Variants in KDM4B observed in about 807,000 individuals in gnomAD.
The protein encoded by KDM4B is lysine-specific demethylase 4B.
A neutral mutation model predicts 125.2 loss-of-function variants in KDM4B; 32 were observed. That is an observed-to-expected ratio of 0.26 (90% CI 0.19 to 0.34). KDM4B has a LOEUF of 0.34. Ranked by LOEUF, KDM4B falls within the 10% of genes least tolerant of loss-of-function variation. KDM4B has a pLI of 1.00. For synonymous variants in KDM4B, 721 were observed against 677.9 expected (o/e 1.06, Z -0.99); for missense variants, 1,190 against 1,577.7 (o/e 0.75, Z 4.16).
chr19:5,013,942 T>C (rs1035935429), intron 1 of KDM4B, among the ~76,000 whole-genome samples: 2 of 152,216 alleles, frequency 1.3e-5, no homozygotes, highest in Non-Finnish European at 2.9e-5. Flanking sequence ...TGCAGGGCAC[T>C]TGGCCGCTCA....
At chr19:5,087,268 G>C (rs979340521) in intron 9 of KDM4B, among the ~76,000 whole-genome samples, 3 of 152,278 alleles carry the variant, frequency 2.0e-5, no homozygotes, top group African/African-American at 7.2e-5. Context: ...CTTGCCACCT[G>C]TCTGTGCAGC....
At chr19:4,989,134 G>A (rs1336021859) in intron 1 of KDM4B, among the ~76,000 whole-genome samples, 4 of 152,200 alleles carry the variant, frequency 2.6e-5, no homozygotes, top group African/African-American at 9.7e-5. Flanking sequence ...GTGCTGAAGT[G>A]GTAGAGGTGA....
At chr19:5,027,544 GTTT>G (rs565728081) in intron 2 of KDM4B, among the ~76,000 whole-genome samples, 4 of 134,634 alleles carry the variant, frequency 3.0e-5, no homozygotes, top group Admixed American at 7.6e-5. Context: ...TCTCTTTTCA[GTTT>G]TTTTTTTTTT....
intron 10 of KDM4B, among the ~76,000 whole-genome samples, chr19:5,117,626 A>G (rs947209580): frequency 5.9e-5 from 9 of 152,076 alleles, no homozygotes; most frequent in African/African-American, 2.2e-4. Context: ...CCCCTAGTGG[A>G]GCCTGAGGCT....
At chr19:5,098,108 G>A (rs1162540953) in intron 9 of KDM4B, among the ~76,000 whole-genome samples, 1 of 152,218 alleles carries the variant, frequency 6.6e-6, no homozygotes. Flanking sequence ...AGCTGGGCCA[G>A]GGCTGGTGGC....
rs2039945074 is a variant in KDM4B, at chr19:5,151,399, G to A, written c.3179G>A (p.Arg1060His). The change falls in exon 23 of 23, where the codon CGC (arginine) becomes CAC (histidine). Residue 1060 changes from arginine to histidine, a missense_variant. Physicochemically the swap from Arg to His is conservative, Grantham distance 29. Around this residue, in one of 7 missense-constraint regions of KDM4B, gnomAD observed 109 missense variants for 93.8 expected, o/e 1.16. Coordinates refer to ENST00000159111, the MANE Select transcript of KDM4B (RefSeq NM_015015.3). ...FSGEEAKAAK[R>H]PRVGTPLATE... The stretch of plus-strand genomic sequence containing the variant: ...GGGGAGGAGGCCAAGGCCGCCAAGC[G>A]CCCGCGTGTGGGCACCCCGCTTGCC... The A allele has an allele frequency of 1.3e-6, 2 of 1,583,288 alleles. No homozygotes were observed. The highest frequency in any genetic ancestry group is 8.6e-7 in the Non-Finnish European group (1 of 1,167,118).
chr19:5,024,474 C>T (rs573550063), intron 2 of KDM4B, among the ~76,000 whole-genome samples: 29 of 152,190 alleles, frequency 1.9e-4, no homozygotes, highest in East Asian at 5.8e-4. Flanking sequence ...TCAGCCGGGC[C>T]GGAAGCGTCC....
At chr19:5,045,098 C>T (rs878947472) in intron 5 of KDM4B, among the ~76,000 whole-genome samples, 2 of 152,146 alleles carry the variant, frequency 1.3e-5, no homozygotes, top group African/African-American at 2.4e-5. Flanking sequence ...GGTGAGAGGA[C>T]GTTTAGTTTT....
chr19:5,002,144 T>A (rs1289978616), intron 1 of KDM4B, among the ~76,000 whole-genome samples: 1 of 152,106 alleles, frequency 6.6e-6, no homozygotes, highest in Non-Finnish European at 1.5e-5. Flanking sequence ...ATTACAGGCG[T>A]GTGCCACCAT....
intron 10 of KDM4B, chr19:5,111,690 C>T (rs568230516): frequency 2.7e-5 from 20 of 740,664 alleles, no homozygotes; most frequent in Middle Eastern, 2.3e-4. Flanking sequence ...GAGCTGGAGC[C>T]GGGAGGGACG....
intron 9 of KDM4B, among the ~76,000 whole-genome samples, chr19:5,103,478 C>A (rs549283071): frequency 8.5e-5 from 13 of 152,296 alleles, no homozygotes; most frequent in African/African-American, 2.2e-4. Context: ...ATCGGGCTGT[C>A]GGACGCGTCA....
At chr19:4,976,558 A>G (rs929770566) in intron 1 of KDM4B, among the ~76,000 whole-genome samples, 3 of 152,242 alleles carry the variant, frequency 2.0e-5, no homozygotes, top group Admixed American at 2.0e-4. Flanking sequence ...GGAAGACAGC[A>G]TTGCACAATT....
intron 8 of KDM4B, chr19:5,077,694 C>A: frequency 1.9e-6 from 1 of 531,792 alleles, no homozygotes; most frequent in Admixed American, 3.5e-5. Context: ...GTTAACCTCC[C>A]CTCCCAAACC....
chr19:5,107,702 G>A (rs867200648), intron 9 of KDM4B, among the ~76,000 whole-genome samples: 2 of 152,188 alleles, frequency 1.3e-5, no homozygotes, highest in Admixed American at 1.3e-4. Context: ...TTGGTGGCTC[G>A]CAGTGGGGGC....
At chr19:5,150,844 G>T (rs1255468287) in intron 22 of KDM4B, among the ~76,000 whole-genome samples, 1 of 152,236 alleles carries the variant, frequency 6.6e-6, no homozygotes, top group African/African-American at 2.4e-5. Flanking sequence ...GGGCACCCCA[G>T]TTGTCGGCTT....
chr19:5,111,245 C>G (rs769494720), intron 10 of KDM4B: 45 of 634,786 alleles, frequency 7.1e-5, no homozygotes, highest in Middle Eastern at 6.3e-4. Context: ...CTCCCTGGCG[C>G]TGAGAGCAGT....
At chr19:5,080,591 A>C (rs190041658) in intron 8 of KDM4B, 1 of 152,386 alleles carries the variant, frequency 6.6e-6, no homozygotes, top group African/African-American at 2.4e-5. Context: ...CGCTGCTCCC[A>C]GCCGGGGTGG....
At chr19:5,034,509 T>C (rs1289590728) in intron 3 of KDM4B, among the ~76,000 whole-genome samples, 2 of 152,254 alleles carry the variant, frequency 1.3e-5, no homozygotes, top group Non-Finnish European at 2.9e-5. Context: ...TCTGCTTTTT[T>C]CTTTTCCCCC....
intron 1 of KDM4B, among the ~76,000 whole-genome samples, chr19:4,982,020 G>GTGGCTCATGCCTGTCATCC (rs2145328185): frequency 6.6e-6 from 1 of 152,366 alleles, no homozygotes; most frequent in South Asian, 2.1e-4. Context: ...GCCAGGTGCA[G>GTGGCTCATGCCTGTCATCC]TGGCTCATGC....
Sources: allele counts gnomAD v4.1 joint callset (sites outside exome capture counted in the v4.1 genomes callset), GRCh38; gene constraint gnomAD v4.1.1; regional missense constraint gnomAD v4.1.1; transcripts MANE v1.5; gene names NCBI Gene and HGNC (gene_info 2026-07-23, HGNC 2026-07-21).